Variants in CNTN5 observed in about 807,000 individuals in gnomAD.
The protein encoded by CNTN5 is contactin 5.
Under a neutral mutation model 129.1 loss-of-function variants are expected in CNTN5, and 77 were observed. The ratio of observed to expected loss-of-function variants is 0.60; its 90% CI spans 0.50 to 0.72. The LOEUF is 0.72. Among genes scored for constraint, CNTN5 ranks in the 30% least tolerant of loss-of-function variants. The probability of loss-of-function intolerance (pLI) is 0.00; values close to 1 mark genes in which losing one functional copy is unlikely to be tolerated. For missense variants in CNTN5, 1,478 were observed against 1,328.8 expected (o/e 1.11, Z -1.75); for synonymous variants, 509 against 465.6 (o/e 1.09, Z -1.20).
chr11:99,764,138 A>G (rs1944676846), intron 3 of CNTN5, among the ~76,000 whole-genome samples: 1 of 152,112 alleles, frequency 6.6e-6, no homozygotes, highest in Non-Finnish European at 1.5e-5. Flanking sequence ...AAAATTATAG[A>G]CTATATGAGC....
chr11:100,285,924 C>A (rs892542511), intron 18 of CNTN5, among the ~76,000 whole-genome samples: 1 of 152,198 alleles, frequency 6.6e-6, no homozygotes, highest in East Asian at 1.9e-4. Context: ...CGAAGCAGGG[C>A]GAGGCGTTGC....
rs145944732 is a variant in CNTN5, at chr11:100,251,777, C to A, written c.2006-3983C>A. On this transcript the variant is annotated intron_variant, in intron 16 of 24. Transcript: ENST00000524871. ...ATTCTTTTTATGGCTGAATAGTATT[C>A]CATGGTGTATATATATCACATTTTC... Among the ~76,000 whole-genome samples the A allele has an allele frequency of 3.4e-3, 517 of 152,192 alleles. 14 individuals carry two copies. In the East Asian group the frequency reaches 0.042, roughly 12 times the overall value.
rs200120909 is a variant in CNTN5 at position 100,308,452 on chromosome 11, G to C, written c.2714G>C (p.Arg905Thr). ...AWKHIKESLGRPQGFEVGYWK... is the reference protein window; with the variant it reads ...AWKHIKESLGTPQGFEVGYWK... The stretch of plus-strand genomic sequence containing the variant: ...AAACACATTAAAGAGAGTCTAGGAA[G>C]ACCACAGGGATTTGAGGTATGAACA... The change falls in exon 21 of 25, where the codon AGA becomes ACA. Residue 905 changes from arginine (R) to threonine (T), a missense_variant. Coordinates refer to ENST00000524871, the MANE Select transcript of CNTN5 (RefSeq NM_014361.4). 12 of 1,610,342 alleles carry C rather than the reference G, an allele frequency of 7.5e-6. No homozygotes were observed. Among genetic ancestry groups the C allele is most frequent in the Non-Finnish European group, 1.0e-5 (12 of 1,177,552 alleles).
At position 99,810,255 on chromosome 11, in the gene CNTN5, T is replaced by G. The variant is rs962454430; in HGVS notation, c.56-9289T>G. Among the ~76,000 whole-genome samples the G allele has an allele frequency of 2.6e-5, 4 of 152,284 alleles. No individual in the cohort carries two copies. The South Asian group carries it at 8.3e-4, about 32-fold the overall frequency. ...AGAAAAGACAAAGTTATCCAAATCTTACATAATTATGACTACAAATATTTA... is the reference window on the plus strand; with the variant it reads ...AGAAAAGACAAAGTTATCCAAATCTGACATAATTATGACTACAAATATTTA... On this transcript the variant is annotated intron_variant, in intron 3 of 24. Transcript: ENST00000524871.
chr11:99,595,079 C>T (rs1001351754), intron 3 of CNTN5, among the ~76,000 whole-genome samples: 12 of 151,842 alleles, frequency 7.9e-5, no homozygotes, highest in African/African-American at 2.2e-4. Flanking sequence ...GATGGGGGGA[C>T]CAGAAGAGGG....
intron 6 of CNTN5, among the ~76,000 whole-genome samples, chr11:99,871,315 A>G (rs904624920): frequency 6.6e-6 from 1 of 152,078 alleles, no homozygotes; most frequent in African/African-American, 2.4e-5. Context: ...TTAATGAGCA[A>G]TGAAGATTGA....
At chr11:100,258,858 C>A (rs1032741944) in intron 17 of CNTN5, among the ~76,000 whole-genome samples, 4 of 152,128 alleles carry the variant, frequency 2.6e-5, no homozygotes, top group Non-Finnish European at 5.9e-5. Context: ...ATTGTAAAGA[C>A]CATCAACACT....
chr11:99,762,877 T>G (rs1460732634), intron 3 of CNTN5, among the ~76,000 whole-genome samples: 2 of 152,174 alleles, frequency 1.3e-5, no homozygotes, highest in East Asian at 1.9e-4. Context: ...ATCCTTAAGA[T>G]TCTTATGAAT....
chr11:99,303,827 G>A (rs901022681), intron 1 of CNTN5, among the ~76,000 whole-genome samples: 3 of 152,066 alleles, frequency 2.0e-5, no homozygotes, highest in African/African-American at 7.2e-5. Flanking sequence ...TTATGTTGAG[G>A]ACATCACCTC....
chr11:99,582,142 T>C (rs1298972951), intron 3 of CNTN5, among the ~76,000 whole-genome samples: 1 of 152,200 alleles, frequency 6.6e-6, no homozygotes, highest in East Asian at 1.9e-4. Context: ...TTAAGAATGT[T>C]GAATATTGGC....
intron 7 of CNTN5, among the ~76,000 whole-genome samples, chr11:99,934,083 C>A (rs1448438268): frequency 6.6e-6 from 1 of 152,134 alleles, no homozygotes; most frequent in Non-Finnish European, 1.5e-5. Context: ...ATATTGTTTG[C>A]AGCATTTTGG....
At chr11:99,317,403 G>A (rs1398590299) in intron 1 of CNTN5, among the ~76,000 whole-genome samples, 1 of 152,142 alleles carries the variant, frequency 6.6e-6, no homozygotes, top group East Asian at 1.9e-4. Context: ...ATGACTTCTA[G>A]TGCTTGCTGC....
At chr11:99,521,729 C>T (rs1008450414) in intron 2 of CNTN5, among the ~76,000 whole-genome samples, 2 of 152,324 alleles carry the variant, frequency 1.3e-5, no homozygotes, top group Non-Finnish European at 2.9e-5. Context: ...TGAGTGGCTA[C>T]AGTCTTTTCT....
intron 3 of CNTN5, among the ~76,000 whole-genome samples, chr11:99,747,371 A>G (rs1043920686): frequency 6.6e-6 from 1 of 151,372 alleles, no homozygotes; most frequent in Non-Finnish European, 1.5e-5. Context: ...ATACAATTTT[A>G]CTTCTTTTCC....
intron 13 of CNTN5, among the ~76,000 whole-genome samples, chr11:100,155,160 C>A (rs989478702): frequency 6.6e-6 from 1 of 152,224 alleles, no homozygotes. Context: ...TTAGGTCTAA[C>A]ATTTAAGTCT....
intron 2 of CNTN5, among the ~76,000 whole-genome samples, chr11:99,436,955 G>C (rs1025654812): frequency 5.3e-5 from 8 of 152,006 alleles, no homozygotes; most frequent in Non-Finnish European, 7.4e-5. Flanking sequence ...TAATTCTGTT[G>C]ATAAGCTGAA....
At chr11:99,050,632 C>T (rs1864388862) in intron 1 of CNTN5, among the ~76,000 whole-genome samples, 1 of 151,644 alleles carries the variant, frequency 6.6e-6, no homozygotes, top group Admixed American at 6.6e-5. Context: ...AAAAAATAAA[C>T]TCTTTAATGG....
At chr11:99,391,174 C>T (rs1941240817) in intron 2 of CNTN5, among the ~76,000 whole-genome samples, 1 of 152,034 alleles carries the variant, frequency 6.6e-6, no homozygotes, top group South Asian at 2.1e-4. Context: ...TTATCTAAAA[C>T]CTGTAAAAAA....
At chr11:99,952,469 A>G (rs1490608228) in intron 7 of CNTN5, among the ~76,000 whole-genome samples, 1 of 152,202 alleles carries the variant, frequency 6.6e-6, no homozygotes, top group Non-Finnish European at 1.5e-5. Context: ...AAAAATTAAT[A>G]CAAGCATATA....
Sources: gnomAD v4.1 joint callset for allele counts (sites outside exome capture counted in the v4.1 genomes callset) on GRCh38, gnomAD v4.1.1 for gene constraint, MANE v1.5 for transcripts, NCBI Gene and HGNC (gene_info 2026-07-23, HGNC 2026-07-21) for gene names.